The following VAT1L variants were observed in gnomAD, a reference collection of about 807,000 sequenced individuals.
VAT1L encodes the protein putative NADPH-dependent quinone oxidoreductase VAT1L.
VAT1L carries 34 observed loss-of-function variants against 44.1 expected under a neutral mutation model. That is an observed-to-expected ratio of 0.77 (90% confidence interval 0.59 to 1.03). The LOEUF is 1.03. Ranked by LOEUF, VAT1L falls within the 50% of genes least tolerant of loss-of-function variation. VAT1L has a pLI of 0.00. For missense variants in VAT1L, 615 were observed against 538.8 expected (o/e 1.14, Z -1.40); for synonymous variants, 253 against 202.2 (o/e 1.25, Z -2.13).
intron 1 of VAT1L, among the ~76,000 whole-genome samples, chr16:77,795,813 CTTTTTTT>C (rs56725954): frequency 0.12 from 11,712 of 100,582 alleles, 535 homozygotes; most frequent in African/African-American, 0.23. Context: ...CCTTTTTTCT[CTTTTTTT>C]TTTTTTTTTT....
intron 7 of VAT1L, among the ~76,000 whole-genome samples, chr16:77,960,917 G>A (rs1335377837): frequency 6.6e-6 from 1 of 152,014 alleles, no homozygotes; most frequent in African/African-American, 2.4e-5. Context: ...TGGGTCACGC[G>A]CTGAGTCTTG....
intron 7 of VAT1L, among the ~76,000 whole-genome samples, chr16:77,950,824 C>T (rs1295494661): frequency 6.6e-6 from 1 of 152,122 alleles, no homozygotes; most frequent in Non-Finnish European, 1.5e-5. Flanking sequence ...GGAAAGGATC[C>T]ATTGTTTATC....
chr16:77,945,726 CTT>C (rs1007852421), intron 7 of VAT1L, among the ~76,000 whole-genome samples: 12 of 151,686 alleles, frequency 7.9e-5, no homozygotes, highest in African/African-American at 2.9e-4. Context: ...TATGAGTTGT[CTT>C]TTCTTTCAGT....
intron 3 of VAT1L, among the ~76,000 whole-genome samples, chr16:77,854,577 C>T (rs1331044960): frequency 6.6e-6 from 1 of 152,186 alleles, no homozygotes; most frequent in African/African-American, 2.4e-5. Context: ...ATGGCTCATG[C>T]ATCCAATGTA....
At position 77,826,046 on chromosome 16, in the gene VAT1L, A is replaced by C. The variant is rs865780612; in HGVS notation, c.579+585A>C. Among the ~76,000 whole-genome samples the C allele has an allele frequency of 1.7e-5, 2 of 119,140 alleles. 1 individual carries two copies. The highest frequency in any genetic ancestry group is 6.0e-5 in the African/African-American group (2 of 33,506). The allele number at this position is 119,140 out of a possible 152,430, so 78.2% of individuals were successfully genotyped here. A position where few individuals can be genotyped will look rare whatever the true frequency, so the allele number is the denominator to read the frequency against. ...TCAAAAAAAAAAGAAAAAAAAAAAA[A>C]AAAGAAAGAAATTAGCCGGGCGTAG... On this transcript the variant is annotated intron_variant, in intron 3 of 8. Coordinates refer to ENST00000302536, the MANE Select transcript of VAT1L (RefSeq NM_020927.3).
At chr16:77,907,976 C>G (rs1374117570) in intron 7 of VAT1L, among the ~76,000 whole-genome samples, 1 of 152,200 alleles carries the variant, frequency 6.6e-6, no homozygotes, top group East Asian at 1.9e-4. Context: ...CACGGGGGCT[C>G]ACGCCTGTAA....
intron 3 of VAT1L, among the ~76,000 whole-genome samples, chr16:77,837,196 C>A (rs1357811877): frequency 6.6e-6 from 1 of 152,106 alleles, no homozygotes; most frequent in East Asian, 1.9e-4. Flanking sequence ...GACTTTGCCT[C>A]CGTGAGTTAA....
At chr16:77,825,149 G>A in intron 2 of VAT1L, 97 bp from the exon 3 acceptor site, 3 of 1,347,570 alleles carry the variant, frequency 2.2e-6, no homozygotes, top group Admixed American at 1.7e-5. Flanking sequence ...TTATACGCAT[G>A]AGCCACAGCG....
In VAT1L at chr16:77,841,083, A is replaced by AT. The variant is rs1567484237; in HGVS notation, c.579+15629dup. Among the ~76,000 whole-genome samples, 19 of 152,238 alleles carry AT rather than the reference A, an allele frequency of 1.2e-4. No homozygotes were observed. The South Asian group carries it at 3.5e-3, about 28-fold the overall frequency. ...GCCTTGTATGCACCAATAACATGTCATTTTTTTGTTTGTTTGAGGCAGAGT... is the reference window on the plus strand; with the variant it reads ...GCCTTGTATGCACCAATAACATGTCATTTTTTTTGTTTGTTTGAGGCAGAGT... On this transcript the variant is annotated intron_variant, in intron 3 of 8. Transcript: ENST00000302536.
chr16:77,842,680 G>T (rs1418394668), intron 3 of VAT1L, among the ~76,000 whole-genome samples: 1 of 152,082 alleles, frequency 6.6e-6, no homozygotes, highest in Admixed American at 6.5e-5. Flanking sequence ...TAAATCACGA[G>T]GGCCCTGGTT....
intron 7 of VAT1L, among the ~76,000 whole-genome samples, chr16:77,921,422 T>C (rs1382183310): frequency 3.3e-5 from 5 of 152,200 alleles, no homozygotes; most frequent in Non-Finnish European, 5.9e-5. Flanking sequence ...GGAGAACCCA[T>C]GGAAGAAATA....
At chr16:77,876,339 CA>C (rs759506924) in intron 4 of VAT1L, 30 bp from the exon 5 acceptor site, 1 of 1,595,886 alleles carries the variant, frequency 6.3e-7, no homozygotes, top group Non-Finnish European at 8.6e-7. Context: ...TGACAGGTCA[CA>C]GAATTTTGCT....
intron 7 of VAT1L, among the ~76,000 whole-genome samples, chr16:77,885,206 T>G (rs971439276): frequency 6.6e-6 from 1 of 152,212 alleles, no homozygotes; most frequent in Admixed American, 6.5e-5. Context: ...CTCCGCTGGA[T>G]GCCTTGAGCC....
Position 77,825,297 on chromosome 16 carries a change from G to T in VAT1L, c.415G>T (p.Val139Phe), listed in dbSNP as rs1244457611. ...FVNYNAWAEV[V>F]CTPVEFVYKI... ...CAATTACAATGCCTGGGCAGAGGTG[G>T]TCTGCACACCAGTGGAGTTTGTCTA... The change falls in exon 3 of 9, where the codon GTC becomes TTC. Residue 139 changes from valine to phenylalanine, a missense_variant. Val to Phe is a conservative substitution (Grantham distance 50). Coordinates refer to ENST00000302536, the MANE Select transcript of VAT1L (RefSeq NM_020927.3). 36 of 1,614,178 alleles carry T rather than the reference G, an allele frequency of 2.2e-5. No individual in the cohort carries two copies. Among genetic ancestry groups the T allele is most frequent in the Non-Finnish European group, 3.1e-5 (36 of 1,180,048 alleles).
rs568998170 is a variant in VAT1L at position 77,926,114 on chromosome 16, A to G, written c.1077+41312A>G. Among the ~76,000 whole-genome samples the G allele has an allele frequency of 3.7e-3, 547 of 149,576 alleles. 3 individuals are homozygous for G. Among genetic ancestry groups the G allele is most frequent in the African/African-American group, 0.012 (487 of 41,350 alleles). On this transcript the variant is annotated intron_variant, in intron 7 of 8. Coordinates refer to ENST00000302536, the MANE Select transcript of VAT1L (RefSeq NM_020927.3). The stretch of plus-strand genomic sequence containing the variant: ...CGTCTCTACTAAAAATTAGCCAGGC[A>G]TGGTGGCGGGCGCCTGTAGTCCCAG...
At chr16:77,865,042 C>T (rs1322269815) in intron 4 of VAT1L, among the ~76,000 whole-genome samples, 2 of 143,180 alleles carry the variant, frequency 1.4e-5, no homozygotes, top group Non-Finnish European at 3.0e-5. Context: ...GGTGCAATCT[C>T]GGCTCATTGC....
At chr16:77,895,175 G>A (rs957233873) in intron 7 of VAT1L, among the ~76,000 whole-genome samples, 2 of 146,158 alleles carry the variant, frequency 1.4e-5, no homozygotes, top group Non-Finnish European at 3.0e-5. Flanking sequence ...GTTTTCTGCA[G>A]CTCAAACTTA....
intron 8 of VAT1L, among the ~76,000 whole-genome samples, chr16:77,972,956 G>A (rs1408700548): frequency 6.6e-6 from 1 of 151,980 alleles, no homozygotes; most frequent in Non-Finnish European, 1.5e-5. Context: ...AGAGTGCTGG[G>A]ATTATAGGCG....
At chr16:77,895,079 G>A (rs11150026) in intron 7 of VAT1L, among the ~76,000 whole-genome samples, 134,996 of 150,138 alleles carry the variant, frequency 0.9, 61,176 homozygotes, top group Non-Finnish European at 0.95. Flanking sequence ...TCAGTTCAAC[G>A]TGATCACCCC....
Sources: allele counts gnomAD v4.1 joint callset (sites outside exome capture counted in the v4.1 genomes callset), GRCh38; gene constraint gnomAD v4.1.1; transcripts MANE v1.5; gene names NCBI Gene and HGNC (gene_info 2026-07-23, HGNC 2026-07-21).